Variants in PSTPIP2 observed in about 807,000 individuals in gnomAD.
PSTPIP2 encodes the protein proline-serine-threonine phosphatase-interacting protein 2.
A neutral mutation model predicts 63.3 loss-of-function variants in PSTPIP2; 33 were observed. That is an observed-to-expected ratio of 0.52 (90% confidence interval 0.40 to 0.70). PSTPIP2 has a LOEUF of 0.70. PSTPIP2 is among the 30% of genes least tolerant of loss of function. The probability of loss-of-function intolerance (pLI) is 0.00; values close to 1 mark genes in which losing one functional copy is unlikely to be tolerated. For synonymous variants in PSTPIP2, 125 were observed against 132.7 expected, an observed-to-expected ratio of 0.94 and a Z score of 0.40; for missense variants, 312 against 400.7, an observed-to-expected ratio of 0.78 and a Z score of 1.89.
chr18:46,054,240 G>T (rs116843484), intron 1 of PSTPIP2, among the ~76,000 whole-genome samples: 1 of 152,158 alleles, frequency 6.6e-6, no homozygotes, highest in African/African-American at 2.4e-5. Flanking sequence ...CATATATGCA[G>T]TCTCTTGTTG....
chr18:46,017,671 A>G (rs1433049700), intron 3 of PSTPIP2, among the ~76,000 whole-genome samples: 1 of 152,088 alleles, frequency 6.6e-6, no homozygotes, highest in East Asian at 1.9e-4. Context: ...TATATTTATC[A>G]TGTACAAAAT....
At chr18:45,990,025 G>A (rs1189840707) in intron 13 of PSTPIP2, 1 of 152,220 alleles carries the variant, frequency 6.6e-6, no homozygotes, top group Non-Finnish European at 1.5e-5. Context: ...AAAGACTACT[G>A]TGATTAGTGA....
intron 12 of PSTPIP2, 48 bp downstream of exon 12, chr18:45,991,854 T>A: frequency 1.3e-6 from 2 of 1,482,722 alleles, no homozygotes; most frequent in African/African-American, 2.8e-5. Context: ...ATGATAACAA[T>A]GTTTGTTAAA....
chr18:45,999,573 C>T, intron 6 of PSTPIP2, 39 bp from the exon 7 acceptor site: 2 of 1,607,386 alleles, frequency 1.2e-6, no homozygotes, highest in Non-Finnish European at 1.7e-6. Flanking sequence ...AACAAATGAA[C>T]AGAGTGTAAC....
intron 2 of PSTPIP2, among the ~76,000 whole-genome samples, chr18:46,024,935 T>C (rs1907525163): frequency 6.6e-6 from 1 of 152,218 alleles, no homozygotes; most frequent in Non-Finnish European, 1.5e-5. Context: ...AACATTACAG[T>C]AAAACTGAAC....
At chr18:46,064,282 C>CTTTTTTTTTTTTTTTTTTTTTTTTT (rs56236802) in intron 1 of PSTPIP2, among the ~76,000 whole-genome samples, 11 of 71,528 alleles carry the variant, frequency 1.5e-4, no homozygotes, top group Non-Finnish European at 2.2e-4. Flanking sequence ...CTTTTTCTTT[C>CTTTTTTTTTTTTTTTTTTTTTTTTT]TTTTTTTTTT....
At chr18:45,992,922 C>T (rs111389618) in intron 10 of PSTPIP2, among the ~76,000 whole-genome samples, 15,886 of 152,014 alleles carry the variant, frequency 0.1, 1,129 homozygotes, top group East Asian at 0.4. Flanking sequence ...GACGGGGTTT[C>T]ACCATGTTGG....
rs1477972359 is a variant in PSTPIP2, at chr18:45,988,744, G to C, written c.971C>G (p.Ser324Cys). ...PKSSPDDPNYSLVDDYSLLYQ is the reference protein window; with the variant it reads ...PKSSPDDPNYCLVDDYSLLYQ ...GAGCAAACTGTAGTCATCAACCAAA[G>C]AGTAATTGGGATCATCTGCAAAAGG... is the stretch of plus-strand genomic sequence containing the variant. Residue 324 changes from serine (S) to cysteine (C), a missense_variant, in exon 14 of 15, where the codon TCT (serine) becomes TGT (cysteine). Coordinates refer to ENST00000409746, the MANE Select transcript of PSTPIP2 (RefSeq NM_024430.4). 2.6e-6 allele frequency: 4 copies of C among 1,565,624 alleles called. No individual in the cohort carries two copies. In the South Asian group the frequency reaches 4.4e-5, roughly 17 times the overall value.
chr18:45,997,680 G>GAGC lies in PSTPIP2; in HGVS notation c.642+66_642+68dup, dbSNP rs1227828199. 1.3e-4 allele frequency: 58 copies of GAGC among 443,762 alleles called. 1 individual carries two copies. The African/African-American group carries it at 1.6e-3, about 12-fold the overall frequency. The allele number at this position is 443,762 out of a possible 1,614,324, so 27.5% of individuals were successfully genotyped here. On this transcript the variant is annotated intron_variant, in intron 9 of 14. Coordinates refer to ENST00000409746, the MANE Select transcript of PSTPIP2 (RefSeq NM_024430.4). ...CCTCCTCCCCTCCCCCCCCCGTCCT[G>GAGC]AGCAGCTTCCTGTTACACACACCCC... is the stretch of plus-strand genomic sequence containing the variant.
At chr18:45,991,033 G>A (rs2051525515) in intron 12 of PSTPIP2, among the ~76,000 whole-genome samples, 1 of 152,154 alleles carries the variant, frequency 6.6e-6, no homozygotes, top group African/African-American at 2.4e-5. Flanking sequence ...TAGCTGGGTA[G>A]GAAAGACTTC....
chr18:46,003,754 GT>G (rs61114152), intron 6 of PSTPIP2, among the ~76,000 whole-genome samples: 11,252 of 130,300 alleles, frequency 0.086, 738 homozygotes, highest in African/African-American at 0.2. Flanking sequence ...CCCTTTCAGA[GT>G]TTTTTTTTTT....
intron 3 of PSTPIP2, among the ~76,000 whole-genome samples, chr18:46,016,483 A>G (rs1201290007): frequency 6.6e-6 from 1 of 152,240 alleles, no homozygotes; most frequent in Non-Finnish European, 1.5e-5. Flanking sequence ...GTCAATAATC[A>G]TATATTTATT....
intron 3 of PSTPIP2, among the ~76,000 whole-genome samples, chr18:46,022,485 T>C (rs570616086): frequency 2.2e-4 from 34 of 152,188 alleles, no homozygotes; most frequent in Non-Finnish European, 4.6e-4. Flanking sequence ...CCTGACCTCC[T>C]TCTCTAAACC....
chr18:46,066,229 A>C (rs916687834), intron 1 of PSTPIP2, among the ~76,000 whole-genome samples: 4 of 152,114 alleles, frequency 2.6e-5, no homozygotes, highest in African/African-American at 9.7e-5. Context: ...GGTTCCAGCT[A>C]CTTGGGAGGA....
chr18:46,040,970 A>G, intron 1 of PSTPIP2: 2 of 456,064 alleles, frequency 4.4e-6, no homozygotes, highest in South Asian at 3.1e-5. Flanking sequence ...ATGGAAACTG[A>G]CTCACGCTAC....
chr18:45,998,650 TCCC>T, intron 8 of PSTPIP2, 141 bp downstream of exon 8: 1 of 803,262 alleles, frequency 1.2e-6, no homozygotes, highest in Non-Finnish European at 1.9e-6. Context: ...CCTCCCTTTT[TCCC>T]TTCAGATATC....
At chr18:46,006,457 C>T (rs1295561779) in intron 5 of PSTPIP2, among the ~76,000 whole-genome samples, 5 of 148,794 alleles carry the variant, frequency 3.4e-5, no homozygotes, top group African/African-American at 7.5e-5. Flanking sequence ...CTGCAACCTC[C>T]GCCTTCTGGT....
At chr18:46,028,767 G>A (rs1907684177) in intron 2 of PSTPIP2, 1 of 1,063,988 alleles carries the variant, frequency 9.4e-7, no homozygotes, top group Non-Finnish European at 1.5e-6. Flanking sequence ...AAGAATTCCA[G>A]CATGCCGTGG....
intron 2 of PSTPIP2, among the ~76,000 whole-genome samples, chr18:46,038,011 T>A (rs1435660151): frequency 6.6e-6 from 1 of 152,208 alleles, no homozygotes; most frequent in Admixed American, 6.5e-5. Flanking sequence ...GTTTTTCAAC[T>A]GTGGGTCACG....
Sources: gnomAD v4.1 joint callset for allele counts (sites outside exome capture counted in the v4.1 genomes callset) on GRCh38, gnomAD v4.1.1 for gene constraint, MANE v1.5 for transcripts, NCBI Gene and HGNC (gene_info 2026-07-23, HGNC 2026-07-21) for gene names.